The following CNTNAP3 variants were observed in gnomAD, a reference collection of about 807,000 sequenced individuals.
The protein encoded by CNTNAP3 is contactin-associated protein-like 3.
Under a neutral mutation model 92.1 loss-of-function variants are expected in CNTNAP3, and 36 were observed. That is an observed-to-expected ratio of 0.39 (90% CI 0.30 to 0.52). The LOEUF (loss-of-function observed/expected upper bound fraction) is 0.52. Ranked by LOEUF, CNTNAP3 falls within the 20% of genes least tolerant of loss-of-function variation. CNTNAP3 has a pLI of 0.76. For synonymous variants in CNTNAP3, 232 were observed against 422.3 expected, an observed-to-expected ratio of 0.55 and a Z score of 5.53; for missense variants, 534 against 1,069.6, an observed-to-expected ratio of 0.50 and a Z score of 6.98.
intron 15 of CNTNAP3, among the ~76,000 whole-genome samples, chr9:39,104,520 A>ACACACACACT (rs1491387428): frequency 2.3e-4 from 33 of 145,866 alleles, no homozygotes; most frequent in Non-Finnish European, 3.5e-4. Context: ...ACACACACAC[A>ACACACACACT]CTGTCTTAAT....
At chr9:39,140,745 C>G in intron 11 of CNTNAP3, 107 bp from the exon 12 acceptor site, 2 of 1,439,950 alleles carry the variant, frequency 1.4e-6, no homozygotes, top group South Asian at 3.2e-5. Flanking sequence ...ACATATGACC[C>G]AACATCATTT....
At chr9:39,109,818 A>C (rs1826698830) in intron 14 of CNTNAP3, among the ~76,000 whole-genome samples, 1 of 152,172 alleles carries the variant, frequency 6.6e-6, no homozygotes, top group Admixed American at 6.5e-5. Flanking sequence ...AAAATCAAGA[A>C]GGTAACTTCC....
At chr9:39,133,293 A>G (rs1821349098) in intron 12 of CNTNAP3, among the ~76,000 whole-genome samples, 158 bp from the exon 13 acceptor site, 1 of 152,186 alleles carries the variant, frequency 6.6e-6, no homozygotes, top group South Asian at 2.1e-4. Flanking sequence ...GTAACAATGT[A>G]CTGAGCCAGA....
chr9:39,109,798 G>A (rs1236154930), intron 14 of CNTNAP3, among the ~76,000 whole-genome samples: 1 of 152,134 alleles, frequency 6.6e-6, no homozygotes, highest in Non-Finnish European at 1.5e-5. Context: ...AATGATTACA[G>A]AGAAGGGGAA....
In CNTNAP3 at chr9:39,095,697, G is replaced by A. The variant is rs577400578; in HGVS notation, c.2995+4214C>T. Among the ~76,000 whole-genome samples, 35 of 141,438 alleles carry A rather than the reference G, an allele frequency of 2.5e-4. 1 individual carries two copies. Among genetic ancestry groups the A allele is most frequent in the Admixed American group, 8.9e-4 (13 of 14,550 alleles). The allele number at this position is 141,438 out of a possible 152,430, so 92.8% of individuals were successfully genotyped here. On this transcript the variant is annotated intron_variant, in intron 18 of 23. Coordinates refer to ENST00000297668, the MANE Select transcript of CNTNAP3 (RefSeq NM_033655.5). ...AATCCTACTACGTTTTGGTATATAG[G>A]TCTTTTAATATATTTCACGACAATG... is the stretch of plus-strand genomic sequence containing the variant.
chr9:39,083,763 C>T (rs1398567920), intron 21 of CNTNAP3, among the ~76,000 whole-genome samples: 1 of 152,128 alleles, frequency 6.6e-6, no homozygotes, highest in African/African-American at 2.4e-5. Context: ...GATGGATCAT[C>T]TTTACTGAAT....
intron 13 of CNTNAP3, among the ~76,000 whole-genome samples, chr9:39,118,661 T>A (rs950433364): frequency 1.6e-4 from 25 of 152,208 alleles, no homozygotes; most frequent in Non-Finnish European, 3.5e-4. Context: ...AAGACATTGA[T>A]TTATCTCATC....
At chr9:39,098,017 T>A (rs201379827) in intron 18 of CNTNAP3, among the ~76,000 whole-genome samples, 30,447 of 144,548 alleles carry the variant, frequency 0.21, 3,429 homozygotes, top group East Asian at 0.36. Flanking sequence ...ATCGATTTGC[T>A]TTGTAGGAAG....
chr9:39,130,356 G>C (rs1821250574), intron 13 of CNTNAP3, among the ~76,000 whole-genome samples: 1 of 151,690 alleles, frequency 6.6e-6, no homozygotes. Context: ...AATCTAGAGA[G>C]GATTACACAG....
chr9:39,137,762 C>T (rs1337968452), intron 12 of CNTNAP3, among the ~76,000 whole-genome samples: 1 of 152,168 alleles, frequency 6.6e-6, no homozygotes, highest in Non-Finnish European at 1.5e-5. Context: ...GATCCACCTG[C>T]CTCAGCCTCC....
At chr9:39,129,765 A>G (rs1821232187) in intron 13 of CNTNAP3, among the ~76,000 whole-genome samples, 1 of 152,214 alleles carries the variant, frequency 6.6e-6, no homozygotes, top group African/African-American at 2.4e-5. Context: ...GAATGTATAA[A>G]GAACTGAAAA....
chr9:39,253,230 T>C (rs1393891251), intron 2 of CNTNAP3, among the ~76,000 whole-genome samples: 424 of 16,238 alleles, frequency 0.026, 190 homozygotes, highest in African/African-American at 0.046. Context: ...CACAGATATA[T>C]ACATATGTGT....
At chr9:39,114,107 G>A (rs992463753) in intron 14 of CNTNAP3, among the ~76,000 whole-genome samples, 1 of 133,904 alleles carries the variant, frequency 7.5e-6, no homozygotes. Flanking sequence ...TTTTGAGACA[G>A]AGTCTTGGTC....
chr9:39,081,549 G>C (rs1825934268), intron 21 of CNTNAP3, among the ~76,000 whole-genome samples: 1 of 150,958 alleles, frequency 6.6e-6, no homozygotes, highest in Admixed American at 6.6e-5. Context: ...TTTGGCAGAA[G>C]AGTCAAAAGA....
intron 23 of CNTNAP3, among the ~76,000 whole-genome samples, chr9:39,076,716 C>T (rs1825777448): frequency 6.6e-6 from 1 of 152,310 alleles, no homozygotes; most frequent in Non-Finnish European, 1.5e-5. Flanking sequence ...TGCCTGTAAT[C>T]CTAGCACTTT....
chr9:39,139,342 G>T (rs527779930), intron 12 of CNTNAP3, among the ~76,000 whole-genome samples: 1 of 152,164 alleles, frequency 6.6e-6, no homozygotes, highest in East Asian at 1.9e-4. Flanking sequence ...TGCTTTCATT[G>T]TTTGAGTCAG....
At chr9:39,092,997 T>C (rs1826243255) in intron 18 of CNTNAP3, among the ~76,000 whole-genome samples, 1 of 145,206 alleles carries the variant, frequency 6.9e-6, no homozygotes. Flanking sequence ...TGTTTTAGAG[T>C]TTATTTTTTT....
intron 13 of CNTNAP3, among the ~76,000 whole-genome samples, chr9:39,119,038 A>G (rs1820936932): frequency 6.6e-6 from 1 of 152,150 alleles, no homozygotes; most frequent in Non-Finnish European, 1.5e-5. Flanking sequence ...ACATCACAGT[A>G]AAGTTAGGAT....
intron 9 of CNTNAP3, among the ~76,000 whole-genome samples, chr9:39,152,901 C>G (rs1182571445): frequency 1.9e-5 from 2 of 108,038 alleles, no homozygotes; most frequent in Non-Finnish European, 3.6e-5. Context: ...CTCCTGACCT[C>G]GTGATCCACC....
Sources: allele counts gnomAD v4.1 joint callset (sites outside exome capture counted in the v4.1 genomes callset), GRCh38; gene constraint gnomAD v4.1.1; transcripts MANE v1.5; gene names NCBI Gene and HGNC (gene_info 2026-07-23, HGNC 2026-07-21).